Variants in NACC2 observed in about 807,000 individuals in gnomAD.
NACC2 encodes NACC family member 2.
A neutral mutation model predicts 25.1 loss-of-function variants in NACC2; 8 were observed. The ratio of observed to expected loss-of-function variants is 0.32; its 90% CI spans 0.19 to 0.57. The LOEUF (loss-of-function observed/expected upper bound fraction) is 0.57, where lower values mean the gene tolerates loss of function less well. NACC2 is among the 20% of genes least tolerant of loss of function. The pLI is 0.89. For missense variants in NACC2, 644 were observed against 650.2 expected (o/e 0.99, Z 0.10); for synonymous variants, 435 against 294.7 (o/e 1.48, Z -4.88).
At chr9:136,032,258 A>G (rs899410826) in intron 2 of NACC2, among the ~76,000 whole-genome samples, 1 of 152,232 alleles carries the variant, frequency 6.6e-6, no homozygotes, top group Non-Finnish European at 1.5e-5. Context: ...CAGGAATACG[A>G]AGTTATTTCA....
intron 2 of NACC2, among the ~76,000 whole-genome samples, chr9:136,032,150 G>A (rs1257837373): frequency 6.6e-6 from 1 of 152,220 alleles, no homozygotes. Context: ...CATGGCTCTG[G>A]AGAGCCGTCC....
At chr9:136,073,434 A>T (rs1038636905) in intron 1 of NACC2, among the ~76,000 whole-genome samples, 7 of 143,970 alleles carry the variant, frequency 4.9e-5, no homozygotes, top group African/African-American at 1.7e-4. Flanking sequence ...TCTCAAAAAA[A>T]AAATTTTTAA....
chr9:136,011,577 C>T lies in NACC2; in HGVS notation c.1703G>A (p.Arg568Lys). The change falls in exon 6 of 6, where the codon AGG (arginine) becomes AAG (lysine). Residue 568 changes from arginine (R) to lysine (K), a missense_variant. By Grantham distance (26) the Arg-to-Lys change is conservative. Transcript: ENST00000277554. The part of the protein sequence containing the change: ...PFEQGGGGPS[R>K]PQTPAAAARR... ...GGCCGCGGCCGCCGGCGTCTGGGGC[C>T]TGCTGGGGCCGCCCCCGCCCTGCTC... 7.1e-7 allele frequency: 1 copy of T among 1,407,290 alleles called. No homozygotes were observed. The highest frequency in any genetic ancestry group is 9.2e-7 in the Non-Finnish European group (1 of 1,086,678). 87.2% of individuals were successfully genotyped at this position (1,407,290 alleles called of 1,614,324 possible).
intron 1 of NACC2, among the ~76,000 whole-genome samples, chr9:136,060,525 C>G (rs572321460): frequency 4.6e-5 from 7 of 152,348 alleles, no homozygotes; most frequent in African/African-American, 1.7e-4. Flanking sequence ...CCCTGAGGGT[C>G]AGCTCCACAC....
chr9:136,049,706 GTCGTCCTCC>G lies in NACC2; in HGVS notation c.807_815del (p.Glu269_Asp271del), dbSNP rs1360259614. 3.8e-6 allele frequency: 3 copies of G among 779,298 alleles called. No homozygotes were observed. The highest frequency in any genetic ancestry group is 2.4e-6 in the Non-Finnish European group (1 of 417,518). The allele number at this position is 779,298 out of a possible 1,614,324, so 48.3% of individuals were successfully genotyped here. A position where few individuals can be genotyped will look rare whatever the true frequency, so the allele number is the denominator to read the frequency against. On this transcript the variant is annotated inframe_deletion, in exon 2 of 6. Transcript: ENST00000277554. The stretch of plus-strand genomic sequence containing the variant: ...CCTCCACCATGGTGTCGTAGGCCTC[GTCGTCCTCC>G]TCGTCCTCCTCGTTGTGGTACGAGG...
intron 1 of NACC2, among the ~76,000 whole-genome samples, chr9:136,076,574 T>G (rs1830264991): frequency 2.0e-5 from 3 of 152,080 alleles, no homozygotes; most frequent in Admixed American, 6.6e-5. Flanking sequence ...TGGGTGCAGT[T>G]TCGGTCAGGG....
chr9:136,050,171 G>A lies in NACC2; in HGVS notation c.351C>T (p.Thr117=), dbSNP rs1434328076. 5 of 770,680 alleles carry A rather than the reference G, an allele frequency of 6.5e-6. No homozygotes were observed. Among genetic ancestry groups the A allele is most frequent in the South Asian group, 4.1e-5 (3 of 73,456 alleles). 47.7% of individuals were successfully genotyped at this position (770,680 alleles called of 1,614,324 possible). A position where few individuals can be genotyped will look rare whatever the true frequency, so the allele number is the denominator to read the frequency against. Residue 117 remains threonine (T), a synonymous_variant, in exon 2 of 6, where the codon ACC becomes ACT. Transcript: ENST00000277554. ...GCGAGCTCACCTTGAACATGAGGTC[G>A]GTGCCGCGCTCCACGATGTGCTGGA... ...LQIQHIVERG[T]DLMFKVSSPH...
chr9:136,016,485 G>A (rs952116603), intron 2 of NACC2, 56 bp from the exon 3 acceptor site: 5 of 1,598,504 alleles, frequency 3.1e-6, no homozygotes, highest in Non-Finnish European at 4.3e-6. Flanking sequence ...GGGCTGCTCT[G>A]TGCCTGCCCG....
chr9:136,067,980 T>C (rs1773191445), intron 1 of NACC2, among the ~76,000 whole-genome samples: 1 of 152,212 alleles, frequency 6.6e-6, no homozygotes, highest in Non-Finnish European at 1.5e-5. Flanking sequence ...TGGGAAGCAT[T>C]TGTGTATCGA....
intron 1 of NACC2, among the ~76,000 whole-genome samples, chr9:136,091,427 C>T (rs1371354101): frequency 6.6e-6 from 1 of 152,170 alleles, no homozygotes; most frequent in Non-Finnish European, 1.5e-5. Context: ...GGACCCAGGC[C>T]CAGCAAGCAG....
chr9:136,090,181 G>T (rs1271038912), intron 1 of NACC2, among the ~76,000 whole-genome samples: 1 of 152,270 alleles, frequency 6.6e-6, no homozygotes, highest in Admixed American at 6.5e-5. Context: ...CTGGGTGGTA[G>T]AAGGGAGATG....
At chr9:136,087,310 C>T (rs569144048) in intron 1 of NACC2, among the ~76,000 whole-genome samples, 2 of 152,326 alleles carry the variant, frequency 1.3e-5, no homozygotes, top group Admixed American at 6.5e-5. Flanking sequence ...TGGGCTCTGT[C>T]GTGGTGGCCC....
intron 2 of NACC2, among the ~76,000 whole-genome samples, chr9:136,032,269 A>C (rs545145974): frequency 2.0e-5 from 3 of 152,258 alleles, no homozygotes; most frequent in Non-Finnish European, 4.4e-5. Flanking sequence ...AGTTATTTCA[A>C]TATTTGGAAA....
At position 136,050,177 on chromosome 9, in the gene NACC2, G is replaced by T; in HGVS notation, c.345C>A (p.Arg115=). 1.3e-6 allele frequency: 1 copy of T among 770,994 alleles called. No individual in the cohort carries two copies. 47.8% of individuals were successfully genotyped at this position (770,994 alleles called of 1,614,324 possible). ...GFLQIQHIVE[R]GTDLMFKVSS... is the part of the protein sequence containing the mutation. ...TCACCTTGAACATGAGGTCGGTGCC[G>T]CGCTCCACGATGTGCTGGATCTGCA... Residue 115 remains arginine, a synonymous_variant, in exon 2 of 6, where the codon CGC becomes CGA. Transcript: ENST00000277554.
At position 136,006,766 on chromosome 9, in the gene NACC2, C is replaced by T. The variant is rs1418018203; in HGVS notation, c.*4750G>A. ...GTCTTGACTCTACCGAGTAACAGCACAAAAACAGAGTGAGGGCTCAGGAAA... is the reference window on the plus strand; with the variant it reads ...GTCTTGACTCTACCGAGTAACAGCATAAAAACAGAGTGAGGGCTCAGGAAA... On this transcript the variant is annotated 3_prime_UTR_variant, in exon 6 of 6. Coordinates refer to ENST00000277554, the MANE Select transcript of NACC2 (RefSeq NM_144653.5). 2 of 149,820 alleles carry T rather than the reference C, an allele frequency of 1.3e-5. No individual in the cohort carries two copies. The highest frequency in any genetic ancestry group is 4.9e-5 in the African/African-American group (2 of 40,498). The allele number at this position is 149,820 out of a possible 1,614,324, so 9.3% of individuals were successfully genotyped here.
At chr9:136,035,237 G>A (rs1336516536) in intron 2 of NACC2, among the ~76,000 whole-genome samples, 2 of 152,042 alleles carry the variant, frequency 1.3e-5, no homozygotes. Flanking sequence ...TCACAAAGGG[G>A]AGAACAGTGA....
chr9:136,065,566 G>C (rs555999268), intron 1 of NACC2, among the ~76,000 whole-genome samples: 70 of 152,350 alleles, frequency 4.6e-4, no homozygotes, highest in Admixed American at 1.0e-3. Context: ...GTTGTGGTGA[G>C]CCAAGATTGC....
rs1052706413 is a variant in NACC2, at chr9:136,055,688, C to T, written c.-59-5108G>A. ...ATTATCTTGCAGGATTTAATTTCACCAATCTAATAAGAGGTTCTGGACCTC... is the reference window on the plus strand; with the variant it reads ...ATTATCTTGCAGGATTTAATTTCACTAATCTAATAAGAGGTTCTGGACCTC... On this transcript the variant is annotated intron_variant, in intron 1 of 5. Coordinates refer to ENST00000277554, the MANE Select transcript of NACC2 (RefSeq NM_144653.5). The surrounding 1 kb of genome is among the most constrained non-coding windows in gnomAD (Gnocchi z 4.9). 5.3e-5 allele frequency among the ~76,000 whole-genome samples: 8 copies of T among 152,132 alleles called. No individual in the cohort carries two copies. The highest frequency in any genetic ancestry group is 1.0e-4 in the Non-Finnish European group (7 of 68,026).
chr9:136,016,481 C>G (rs1179898029), intron 2 of NACC2, 52 bp from the exon 3 acceptor site: 1 of 1,602,702 alleles, frequency 6.2e-7, no homozygotes, highest in Non-Finnish European at 8.5e-7. Flanking sequence ...GGCCGGGCTG[C>G]TCTGTGCCTG....
Sources: gnomAD v4.1 joint callset for allele counts (sites outside exome capture counted in the v4.1 genomes callset) on GRCh38, gnomAD v4.1.1 for gene constraint, Gnocchi (gnomAD v3.1) non-coding constraint, MANE v1.5 for transcripts, NCBI Gene and HGNC (gene_info 2026-07-23, HGNC 2026-07-21) for gene names.